The following WWC1 variants were observed in gnomAD, a reference collection of about 807,000 sequenced individuals.
WWC1 encodes protein KIBRA.
A neutral mutation model predicts 138.4 loss-of-function variants in WWC1; 55 were observed. The ratio of observed to expected loss-of-function variants is 0.40; its 90% confidence interval spans 0.32 to 0.50. The LOEUF (loss-of-function observed/expected upper bound fraction) is 0.50, where lower values mean the gene tolerates loss of function less well. Ranked by LOEUF, WWC1 falls within the 20% of genes least tolerant of loss-of-function variation. The pLI, the probability that WWC1 is intolerant of heterozygous loss-of-function variation, is 0.72. For synonymous variants in WWC1, 524 were observed against 564.9 expected, an observed-to-expected ratio of 0.93 and a Z score of 1.03; for missense variants, 1,226 against 1,420.4, an observed-to-expected ratio of 0.86 and a Z score of 2.20.
At chr5:168,422,178 C>A in intron 10 of WWC1, 81 bp downstream of exon 10, 1 of 1,378,008 alleles carries the variant, frequency 7.3e-7, no homozygotes, top group Non-Finnish European at 1.0e-6. Context: ...CCAGGCTCTA[C>A]CCTTCACTTG....
intron 1 of WWC1, among the ~76,000 whole-genome samples, chr5:168,296,056 A>T (rs13158581): frequency 0.12 from 18,351 of 152,238 alleles, 1,305 homozygotes; most frequent in Admixed American, 0.23. Context: ...TTTGCGGAGT[A>T]ACTCTGGGTG....
rs138461958 is a variant in WWC1, at chr5:168,339,806, T to TTTTCTTTCTTTC, written c.120-31602_120-31591dup. Among the ~76,000 whole-genome samples the TTTTCTTTCTTTC allele has an allele frequency of 3.8e-3, 549 of 142,714 alleles. 6 individuals are homozygous for TTTTCTTTCTTTC. The highest frequency in any genetic ancestry group is 0.014 in the African/African-American group (504 of 34,954). The allele number at this position is 142,714 out of a possible 152,430, so 93.6% of individuals were successfully genotyped here. A position where few individuals can be genotyped will look rare whatever the true frequency, so the allele number is the denominator to read the frequency against. On this transcript the variant is annotated intron_variant, in intron 1 of 22. Transcript: ENST00000265293. ...ATGAGACAAGTACCATTCTTTTTGTTTTTCTTTCTTTCTTTCTTTCTTTCT... is the reference window on the plus strand; with the variant it reads ...ATGAGACAAGTACCATTCTTTTTGTTTTTCTTTCTTTCTTTCTTTCTTTCTTTCTTTCTTTCT...
intron 2 of WWC1, among the ~76,000 whole-genome samples, chr5:168,381,238 A>G (rs1327547717): frequency 1.3e-5 from 2 of 152,172 alleles, no homozygotes; most frequent in African/African-American, 2.4e-5. Flanking sequence ...ACCTTCAGGT[A>G]AGGGTCTCAT....
chr5:168,469,224 C>A lies in WWC1; in HGVS notation c.*207C>A, dbSNP rs960171487. 16 of 544,110 alleles carry A rather than the reference C, an allele frequency of 2.9e-5. No individual in the cohort carries two copies. Among genetic ancestry groups the A allele is most frequent in the Middle Eastern group, 2.9e-4 (1 of 3,506 alleles). The allele number at this position is 544,110 out of a possible 1,614,324, so 33.7% of individuals were successfully genotyped here. A position where few individuals can be genotyped will look rare whatever the true frequency, so the allele number is the denominator to read the frequency against. ...AACAAAACACACACACACACAAAAA[C>A]AGAAACAAAAAAAACCAGCATTAAA... is the stretch of plus-strand genomic sequence containing the variant. On this transcript the variant is annotated 3_prime_UTR_variant, in exon 23 of 23. Coordinates refer to ENST00000265293, the MANE Select transcript of WWC1 (RefSeq NM_015238.3).
chr5:168,370,775 C>G (rs912797144), intron 1 of WWC1, among the ~76,000 whole-genome samples: 1 of 152,208 alleles, frequency 6.6e-6, no homozygotes, highest in African/African-American at 2.4e-5. Flanking sequence ...CTTTGATCCC[C>G]ACAAGATGGG....
At chr5:168,351,018 A>G (rs1774909239) in intron 1 of WWC1, among the ~76,000 whole-genome samples, 1 of 152,014 alleles carries the variant, frequency 6.6e-6, no homozygotes, top group South Asian at 2.1e-4. Flanking sequence ...GTGGTGGTGC[A>G]TGCCTGTAAT....
intron 1 of WWC1, among the ~76,000 whole-genome samples, chr5:168,323,913 C>T (rs892653568): frequency 2.0e-5 from 3 of 152,114 alleles, no homozygotes; most frequent in African/African-American, 7.2e-5. Flanking sequence ...GAATTACATA[C>T]AGGAGAACAG....
Position 168,341,975 on chromosome 5 carries a change from C to T in WWC1, c.120-29449C>T, listed in dbSNP as rs1483823290. ...GCTGCCCCTTCCCCTAGCCAGTGGA[C>T]TTCGGTACCCAGAGTGAAGCCTGCA... On this transcript the variant is annotated intron_variant, in intron 1 of 22. Transcript: ENST00000265293. Among the ~76,000 whole-genome samples, 5 of 152,218 alleles carry T rather than the reference C, an allele frequency of 3.3e-5. No homozygotes were observed. The South Asian group carries it at 1.0e-3, about 32-fold the overall frequency.
chr5:168,372,272 A>T (rs1389217669), intron 2 of WWC1, among the ~76,000 whole-genome samples: 1 of 149,418 alleles, frequency 6.7e-6, no homozygotes, highest in East Asian at 2.0e-4. Context: ...CCAGCGGGGG[A>T]GAGTTGATGT....
At chr5:168,391,282 TC>T (rs1778466138) in intron 3 of WWC1, among the ~76,000 whole-genome samples, 1 of 152,136 alleles carries the variant, frequency 6.6e-6, no homozygotes, top group East Asian at 1.9e-4. Flanking sequence ...TACATGTAGT[TC>T]CAGTTACTCA....
In WWC1 at chr5:168,388,691, G is replaced by A. The variant is rs879593613; in HGVS notation, c.433+3277G>A. Among the ~76,000 whole-genome samples the A allele has an allele frequency of 8.5e-5, 13 of 152,056 alleles. No homozygotes were observed. In the East Asian group the frequency reaches 1.4e-3, roughly 16 times the overall value. ...CTAAAAATACAAAAATTAGCTGGGC[G>A]TGGTGGCACGTGCCTGTAATCCCAG... On this transcript the variant is annotated intron_variant, in intron 3 of 22. Transcript: ENST00000265293.
intron 1 of WWC1, among the ~76,000 whole-genome samples, chr5:168,348,241 G>A (rs55664667): frequency 0.059 from 8,982 of 152,240 alleles, 376 homozygotes; most frequent in African/African-American, 0.11. Context: ...CTCAGGGGAC[G>A]TGACTGTGAT....
intron 1 of WWC1, among the ~76,000 whole-genome samples, chr5:168,367,767 G>A (rs1366606774): frequency 6.6e-6 from 1 of 151,984 alleles, no homozygotes; most frequent in Non-Finnish European, 1.5e-5. Flanking sequence ...ACCTGGAAAG[G>A]GAATGTCACA....
At chr5:168,454,577 C>T (rs1363306693) in intron 18 of WWC1, among the ~76,000 whole-genome samples, 1 of 152,206 alleles carries the variant, frequency 6.6e-6, no homozygotes. Context: ...ACTAGGGTCA[C>T]ATTACAGCAG....
chr5:168,297,649 A>T (rs1005366822), intron 1 of WWC1, among the ~76,000 whole-genome samples: 2 of 150,110 alleles, frequency 1.3e-5, no homozygotes, highest in Non-Finnish European at 3.0e-5. Context: ...AAAAAAAAAG[A>T]AATTGAGAAC....
intron 11 of WWC1, among the ~76,000 whole-genome samples, chr5:168,425,585 G>T (rs1781441237): frequency 6.7e-6 from 1 of 150,094 alleles, no homozygotes; most frequent in South Asian, 2.1e-4. Context: ...TCCACCTCCT[G>T]GGTTCAAGCG....
intron 1 of WWC1, among the ~76,000 whole-genome samples, chr5:168,326,704 T>A (rs1290875862): frequency 6.6e-6 from 1 of 151,556 alleles, no homozygotes; most frequent in African/African-American, 2.4e-5. Flanking sequence ...GCCACCATGC[T>A]AATTTTTGTA....
rs1194652089 is a variant in WWC1, at chr5:168,312,424, A to G, written c.119+20153A>G. 3.9e-5 allele frequency among the ~76,000 whole-genome samples: 6 copies of G among 152,260 alleles called. No individual in the cohort carries two copies. In the South Asian group the frequency reaches 8.3e-4, roughly 21 times the overall value. On this transcript the variant is annotated intron_variant, in intron 1 of 22. Coordinates refer to ENST00000265293, the MANE Select transcript of WWC1 (RefSeq NM_015238.3). ...ACAGCTAGAAAGTGGCAAAGCCAGGATTCAAGCTCAAGTTGTCTGGCTCCA... is the reference window on the plus strand; with the variant it reads ...ACAGCTAGAAAGTGGCAAAGCCAGGGTTCAAGCTCAAGTTGTCTGGCTCCA...
intron 1 of WWC1, among the ~76,000 whole-genome samples, chr5:168,302,564 G>A (rs1247715737): frequency 1.3e-5 from 2 of 152,158 alleles, no homozygotes; most frequent in East Asian, 3.9e-4. Context: ...TTAGTAGGAT[G>A]TTATCAAGAG....
Sources: gnomAD v4.1 joint callset for allele counts (sites outside exome capture counted in the v4.1 genomes callset) on GRCh38, gnomAD v4.1.1 for gene constraint, MANE v1.5 for transcripts, NCBI Gene and HGNC (gene_info 2026-07-23, HGNC 2026-07-21) for gene names.